Variants in CAPZB observed in about 807,000 individuals in gnomAD.
CAPZB encodes capping actin protein of muscle Z-line subunit beta, also known as F-actin-capping protein subunit beta.
A neutral mutation model predicts 38.1 loss-of-function variants in CAPZB; 2 were observed. The ratio of observed to expected loss-of-function variants is 0.05; its 90% CI spans 0.02 to 0.17. The LOEUF is 0.17. Among genes scored for constraint, CAPZB ranks in the 10% least tolerant of loss-of-function variants. CAPZB has a pLI of 1.00. For missense variants in CAPZB, 161 were observed against 334.2 expected, an observed-to-expected ratio of 0.48 and a Z score of 4.04; for synonymous variants, 107 against 127.4, an observed-to-expected ratio of 0.84 and a Z score of 1.08.
intron 1 of CAPZB, among the ~76,000 whole-genome samples, chr1:19,471,993 A>G (rs78637350): frequency 0.032 from 4,855 of 152,188 alleles, 96 homozygotes; most frequent in African/African-American, 0.056. Context: ...TATTCCCAGG[A>G]TTCTCCTACG....
At chr1:19,440,971 A>G (rs1275812215) in intron 1 of CAPZB, among the ~76,000 whole-genome samples, 2 of 152,124 alleles carry the variant, frequency 1.3e-5, no homozygotes, top group East Asian at 3.9e-4. Context: ...GAGGCAGGAG[A>G]ATGGCGTGAA....
intron 1 of CAPZB, among the ~76,000 whole-genome samples, chr1:19,423,947 G>C (rs908164083): frequency 6.6e-6 from 1 of 152,076 alleles, no homozygotes; most frequent in African/African-American, 2.4e-5. Flanking sequence ...AAAGTGCTGG[G>C]ATTACAGGCA....
intron 1 of CAPZB, among the ~76,000 whole-genome samples, chr1:19,443,237 T>A (rs1385571677): frequency 5.7e-4 from 80 of 140,366 alleles, no homozygotes; most frequent in African/African-American, 1.9e-3. Context: ...AAAAAAAAAA[T>A]ACAAAAAAAT....
chr1:19,478,025 A>T (rs2100805736), intron 1 of CAPZB, among the ~76,000 whole-genome samples: 1 of 152,382 alleles, frequency 6.6e-6, no homozygotes, highest in African/African-American at 2.4e-5. Context: ...TGAGTTCAGC[A>T]CTAGAAGAGG....
chr1:19,455,891 T>C (rs527952649), intron 1 of CAPZB, among the ~76,000 whole-genome samples: 45 of 152,344 alleles, frequency 3.0e-4, no homozygotes, highest in African/African-American at 1.0e-3. Flanking sequence ...TCCTACATTT[T>C]ATAAGATTCT....
chr1:19,346,452 TA>T (rs200968507), intron 6 of CAPZB, among the ~76,000 whole-genome samples: 927 of 73,122 alleles, frequency 0.013, 10 homozygotes, highest in East Asian at 0.099. Flanking sequence ...TGAGAGAAGC[TA>T]AAAAAAAAAA....
intron 2 of CAPZB, among the ~76,000 whole-genome samples, chr1:19,411,438 T>G (rs2094356539): frequency 6.6e-6 from 1 of 152,186 alleles, no homozygotes; most frequent in Admixed American, 6.5e-5. Context: ...TTCAAGCCCC[T>G]TCCCCTAATG....
At chr1:19,409,419 G>A (rs142702565) in intron 2 of CAPZB, among the ~76,000 whole-genome samples, 2,001 of 152,144 alleles carry the variant, frequency 0.013, 21 homozygotes, top group Non-Finnish European at 0.018. Flanking sequence ...ATCCCATCTC[G>A]GTTTATTTTG....
chr1:19,362,325 T>C (rs1243199008), intron 4 of CAPZB, among the ~76,000 whole-genome samples: 1 of 152,154 alleles, frequency 6.6e-6, no homozygotes, highest in African/African-American at 2.4e-5. Flanking sequence ...CGACCTCCAC[T>C]TCCCGGGTTC....
At chr1:19,388,306 C>T (rs1046594244) in intron 2 of CAPZB, among the ~76,000 whole-genome samples, 2 of 152,138 alleles carry the variant, frequency 1.3e-5, no homozygotes, top group Admixed American at 6.5e-5. Context: ...GCAAGGACTT[C>T]GATCTTACTC....
chr1:19,342,732 G>A (rs773672249), intron 8 of CAPZB: 45 of 1,494,898 alleles, frequency 3.0e-5, no homozygotes, highest in Non-Finnish European at 3.5e-5. Flanking sequence ...GGAGGGTCTC[G>A]CGGCTCTCAG....
chr1:19,483,175 T>C (rs1269663332), intron 1 of CAPZB, among the ~76,000 whole-genome samples: 1 of 152,088 alleles, frequency 6.6e-6, no homozygotes, highest in African/African-American at 2.4e-5. Flanking sequence ...TGATTTCCTA[T>C]ACAAAGGATC....
chr1:19,466,840 T>C (rs2094570580), intron 1 of CAPZB, among the ~76,000 whole-genome samples: 2 of 152,210 alleles, frequency 1.3e-5, no homozygotes, highest in Non-Finnish European at 2.9e-5. Context: ...ACATCAAACA[T>C]GATTTTGTAG....
intron 1 of CAPZB, among the ~76,000 whole-genome samples, chr1:19,451,030 C>T (rs2094514244): frequency 2.0e-5 from 3 of 152,194 alleles, no homozygotes; most frequent in Admixed American, 2.0e-4. Flanking sequence ...GGAAAGACTG[C>T]TGAATTATGG....
At chr1:19,431,481 C>T in intron 1 of CAPZB, among the ~76,000 whole-genome samples, 1 of 152,058 alleles carries the variant, frequency 6.6e-6, no homozygotes, top group East Asian at 1.9e-4. Flanking sequence ...GGGTGGAGAT[C>T]AGGAGATCAA....
intron 2 of CAPZB, among the ~76,000 whole-genome samples, chr1:19,398,543 C>T (rs2094285251): frequency 6.6e-6 from 1 of 152,230 alleles, no homozygotes; most frequent in Non-Finnish European, 1.5e-5. Flanking sequence ...GGTGCTAAGG[C>T]AGACTCAACA....
intron 1 of CAPZB, among the ~76,000 whole-genome samples, chr1:19,436,956 C>T (rs1361511839): frequency 6.6e-6 from 1 of 152,214 alleles, no homozygotes; most frequent in Non-Finnish European, 1.5e-5. Flanking sequence ...ACCTTGGGAC[C>T]TGTGGAGCCT....
intron 2 of CAPZB, among the ~76,000 whole-genome samples, chr1:19,395,261 A>G (rs978061392): frequency 1.3e-5 from 2 of 152,204 alleles, no homozygotes; most frequent in South Asian, 4.1e-4. Flanking sequence ...GAGGGCCAAC[A>G]TTAGGAAGCC....
intron 2 of CAPZB, among the ~76,000 whole-genome samples, chr1:19,391,173 A>G (rs1208175042): frequency 1.3e-5 from 2 of 151,970 alleles, no homozygotes; most frequent in African/African-American, 2.4e-5. Context: ...GTGCCGCCAT[A>G]TGGTTCTACT....
Sources: gnomAD v4.1 joint callset for allele counts (sites outside exome capture counted in the v4.1 genomes callset) on GRCh38, gnomAD v4.1.1 for gene constraint, MANE v1.5 for transcripts, NCBI Gene and HGNC (gene_info 2026-07-23, HGNC 2026-07-21) for gene names.